The following PCDH15 variants were observed in gnomAD, a reference collection of about 807,000 sequenced individuals.
PCDH15 encodes protocadherin-15.
In PCDH15, 129 loss-of-function variants were observed where a neutral mutation model predicts 178.5. The ratio of observed to expected loss-of-function variants is 0.72; its 90% confidence interval spans 0.63 to 0.84. The LOEUF (loss-of-function observed/expected upper bound fraction) is 0.84, where lower values mean the gene tolerates loss of function less well. Ranked by LOEUF, PCDH15 falls within the 40% of genes least tolerant of loss-of-function variation. The probability of loss-of-function intolerance (pLI) is 0.00; values close to 1 mark genes in which losing one functional copy is unlikely to be tolerated. For missense variants in PCDH15, 2,230 were observed against 2,099.9 expected, an observed-to-expected ratio of 1.06 and a Z score of -1.21; for synonymous variants, 800 against 732.0, an observed-to-expected ratio of 1.09 and a Z score of -1.50.
At chr10:54,700,155 C>T (rs2095289921) in intron 1 of PCDH15, among the ~76,000 whole-genome samples, 1 of 151,958 alleles carries the variant, frequency 6.6e-6, no homozygotes, top group Non-Finnish European at 1.5e-5. Context: ...TCGACTGAAC[C>T]CACCATATTC....
intron 2 of PCDH15, among the ~76,000 whole-genome samples, chr10:55,424,728 T>C (rs1393042517): frequency 1.3e-5 from 2 of 151,992 alleles, no homozygotes; most frequent in Non-Finnish European, 2.9e-5. Context: ...AAAATGCTTA[T>C]ATAAGAAAAA....
chr10:54,318,318 T>A (rs555418544), intron 7 of PCDH15, among the ~76,000 whole-genome samples: 1 of 152,292 alleles, frequency 6.6e-6, no homozygotes, highest in African/African-American at 2.4e-5. Flanking sequence ...AGTAAACACA[T>A]CTGGTCTGTG....
At chr10:55,360,933 C>A (rs140955714) in intron 2 of PCDH15, among the ~76,000 whole-genome samples, 86 of 151,914 alleles carry the variant, frequency 5.7e-4, no homozygotes, top group African/African-American at 1.9e-3. Flanking sequence ...GGAAACAACC[C>A]AAATACGTAT....
chr10:55,177,867 G>A (rs1232489296), intron 1 of PCDH15, among the ~76,000 whole-genome samples: 1 of 143,112 alleles, frequency 7.0e-6, no homozygotes, highest in Non-Finnish European at 1.6e-5. Context: ...TTTTACAGAC[G>A]GATTTTTTTT....
At chr10:54,541,871 C>G (rs2085271392) in intron 2 of PCDH15, among the ~76,000 whole-genome samples, 1 of 152,096 alleles carries the variant, frequency 6.6e-6, no homozygotes, top group Non-Finnish European at 1.5e-5. Flanking sequence ...GAATCAATGT[C>G]ACTGTTTAAA....
chr10:54,901,139 C>T (rs528264388), intron 2 of PCDH15, among the ~76,000 whole-genome samples: 2 of 151,932 alleles, frequency 1.3e-5, no homozygotes, highest in Admixed American at 1.3e-4. Context: ...AGTAAGACCC[C>T]CCTCCACCAT....
At chr10:55,053,516 C>T (rs962187934) in intron 2 of PCDH15, among the ~76,000 whole-genome samples, 1 of 152,178 alleles carries the variant, frequency 6.6e-6, no homozygotes. Flanking sequence ...AGAAATGCTG[C>T]AATCACATGC....
intron 35 of PCDH15, among the ~76,000 whole-genome samples, chr10:53,813,263 T>C (rs1343176561): frequency 6.6e-6 from 1 of 152,174 alleles, no homozygotes; most frequent in Non-Finnish European, 1.5e-5. Context: ...TTGCTTTGTG[T>C]CTAATAAACT....
chr10:55,500,643 T>G (rs1423934399), intron 2 of PCDH15, among the ~76,000 whole-genome samples: 1 of 151,808 alleles, frequency 6.6e-6, no homozygotes, highest in East Asian at 2.0e-4. Context: ...TCACATAGAA[T>G]AGTGAGACCC....
At chr10:55,262,380 C>T (rs775787716) in intron 1 of PCDH15, among the ~76,000 whole-genome samples, 9 of 152,264 alleles carry the variant, frequency 5.9e-5, no homozygotes, top group South Asian at 2.1e-4. Context: ...CTAAATGTTG[C>T]ATTTCCTAAG....
At chr10:55,018,400 G>C (rs1840236671) in intron 2 of PCDH15, among the ~76,000 whole-genome samples, 1 of 151,790 alleles carries the variant, frequency 6.6e-6, no homozygotes. Flanking sequence ...ATCTTCTCTA[G>C]GTTATTTTTA....
chr10:54,548,240 T>C (rs2086107665), intron 2 of PCDH15, among the ~76,000 whole-genome samples: 1 of 147,400 alleles, frequency 6.8e-6, no homozygotes. Context: ...ACTCACATGT[T>C]TTTTAATGTG....
chr10:54,954,956 C>T (rs1275981514), intron 2 of PCDH15, among the ~76,000 whole-genome samples: 1 of 151,060 alleles, frequency 6.6e-6, no homozygotes, highest in Non-Finnish European at 1.5e-5. Context: ...TACAAATGGA[C>T]CTTATTATCT....
At chr10:54,221,691 C>T (rs1406840018) in intron 9 of PCDH15, among the ~76,000 whole-genome samples, 1 of 151,834 alleles carries the variant, frequency 6.6e-6, no homozygotes, top group Non-Finnish European at 1.5e-5. Flanking sequence ...CAACTTCTGC[C>T]TCCTGAGTTG....
chr10:55,363,875 G>T lies in PCDH15; in HGVS notation c.-155-197224C>A, dbSNP rs568420184. Among the ~76,000 whole-genome samples, 18 of 152,062 alleles carry T rather than the reference G, an allele frequency of 1.2e-4. 1 individual carries two copies. The highest frequency in any genetic ancestry group is 9.2e-4 in the Admixed American group (14 of 15,242). On this transcript the variant is annotated intron_variant, in intron 2 of 5. Transcript: ENST00000613346. ...TTGGTCTGGAACTCTGACCTCAAGT[G>T]ATCAGCCCGCCTCAGCCTCCCAAAG...
chr10:54,854,455 T>G (rs947229492), intron 3 of PCDH15, among the ~76,000 whole-genome samples: 1 of 152,120 alleles, frequency 6.6e-6, no homozygotes. Context: ...CATAGACAAC[T>G]GGAGAGTGAG....
intron 2 of PCDH15, among the ~76,000 whole-genome samples, chr10:55,053,619 T>A (rs991586702): frequency 6.6e-6 from 1 of 152,182 alleles, no homozygotes; most frequent in African/African-American, 2.4e-5. Flanking sequence ...CTTTGTATTG[T>A]TTGAATTTGA....
chr10:54,301,656 C>T (rs141783567), intron 8 of PCDH15, among the ~76,000 whole-genome samples: 11 of 152,230 alleles, frequency 7.2e-5, no homozygotes, highest in Middle Eastern at 3.4e-3. Flanking sequence ...CACTGACCAG[C>T]CATTTGATAC....
At chr10:54,808,946 A>G (rs1381645419) in intron 3 of PCDH15, among the ~76,000 whole-genome samples, 1 of 151,032 alleles carries the variant, frequency 6.6e-6, no homozygotes, top group East Asian at 1.9e-4. Flanking sequence ...GGGAAAAGAA[A>G]AAAAAAAAAA....
Sources: gnomAD v4.1 joint callset for allele counts (sites outside exome capture counted in the v4.1 genomes callset) on GRCh38, gnomAD v4.1.1 for gene constraint, MANE v1.5 for transcripts, NCBI Gene and HGNC (gene_info 2026-07-23, HGNC 2026-07-21) for gene names.